Variants in VWF observed in about 807,000 individuals in gnomAD.
VWF encodes the protein von Willebrand factor.
Under a neutral mutation model 308.6 loss-of-function variants are expected in VWF, and 176 were observed. The ratio of observed to expected loss-of-function variants is 0.57; its 90% CI spans 0.50 to 0.65. The LOEUF (loss-of-function observed/expected upper bound fraction) is 0.65. Ranked by LOEUF, VWF falls within the 30% of genes least tolerant of loss-of-function variation. The probability of loss-of-function intolerance (pLI) is 0.00; values close to 1 mark genes in which losing one functional copy is unlikely to be tolerated. For missense variants in VWF, 3,146 were observed against 3,648.2 expected (o/e 0.86, Z 3.55); for synonymous variants, 1,385 against 1,443.4 (o/e 0.96, Z 0.92).
intron 45 of VWF, among the ~76,000 whole-genome samples, 155 bp downstream of exon 45, chr12:5,969,056 G>T (rs144129055): frequency 0.011 from 1,647 of 152,278 alleles, 29 homozygotes; most frequent in African/African-American, 0.037. Flanking sequence ...CATTTAATTT[G>T]CTTTCTCATA....
intron 5 of VWF, among the ~76,000 whole-genome samples, chr12:6,105,112 T>C (rs892761040): frequency 1.3e-5 from 2 of 151,850 alleles, no homozygotes; most frequent in Non-Finnish European, 2.9e-5. Flanking sequence ...AGAGTGGGAG[T>C]GGGGCAGATG....
intron 34 of VWF, among the ~76,000 whole-genome samples, chr12:6,008,622 C>T (rs933611375): frequency 6.6e-6 from 1 of 152,136 alleles, no homozygotes; most frequent in Non-Finnish European, 1.5e-5. Flanking sequence ...GGCAAAGATG[C>T]CCACTCTCAC....
intron 21 of VWF, 99 bp from the exon 22 acceptor site, chr12:6,029,587 C>A (rs1944235247): frequency 6.7e-7 from 1 of 1,496,522 alleles, no homozygotes; most frequent in Non-Finnish European, 9.1e-7. Context: ...CTTCAGTGCC[C>A]ACGAGTGCAG....
Position 6,122,214 on chromosome 12 carries a change from G to A in VWF, c.56-876C>T, listed in dbSNP as rs1945440265. 3.9e-5 allele frequency among the ~76,000 whole-genome samples: 6 copies of A among 152,112 alleles called. No individual in the cohort carries two copies. In the South Asian group the frequency reaches 1.2e-3, roughly 32 times the overall value. ...GCTGCATTATATTTTGCATCTGAAT[G>A]TCTATAGTATAGCCCTCTATTGTTA... On this transcript the variant is annotated intron_variant, in intron 2 of 51. Coordinates refer to ENST00000261405, the MANE Select transcript of VWF (RefSeq NM_000552.5).
At position 6,018,964 on chromosome 12, in the gene VWF, A is replaced by AC. The variant is rs61750095; in HGVS notation, c.4453dup (p.Val1485GlyfsTer27). 1 of 1,613,464 alleles carries AC rather than the reference A, an allele frequency of 6.2e-7. No homozygotes were observed. ...GTTCCTCTTGGGCCCCAGGGTCGAA[A>AC]CCCCCAAGAGCCCCGGGCCCACAGT... On this transcript the variant is annotated frameshift_variant, in exon 28 of 52. Coordinates refer to ENST00000261405, the MANE Select transcript of VWF (RefSeq NM_000552.5). LOFTEE classifies it high-confidence loss of function.
At chr12:6,092,614 T>TGAGTGAGAGAGAGAGAGAGAGAGA (rs71064187) in intron 6 of VWF, among the ~76,000 whole-genome samples, 947 of 85,918 alleles carry the variant, frequency 0.011, 73 homozygotes, top group African/African-American at 0.028. Context: ...AGTGAGTGAG[T>TGAGTGAGAGAGAGAGAGAGAGAGA]GAGAGTGTGT....
intron 40 of VWF, among the ~76,000 whole-genome samples, chr12:5,983,974 GGATAGATA>G (rs71064178): frequency 9.0e-5 from 12 of 133,042 alleles, no homozygotes; most frequent in African/African-American, 2.7e-4. Context: ...ATGGATAGAT[GGATAGATA>G]GATAGATAGA....
intron 28 of VWF, 26 bp downstream of exon 28, chr12:6,018,339 C>A (rs1161787807): frequency 6.2e-7 from 1 of 1,601,968 alleles, no homozygotes; most frequent in Admixed American, 1.7e-5. Context: ...CCAGCCCTCC[C>A]ACCTGCACAC....
intron 39 of VWF, 131 bp from the exon 40 acceptor site, chr12:5,985,250 C>T (rs1342136752): frequency 1.1e-5 from 10 of 944,142 alleles, no homozygotes; most frequent in Admixed American, 5.9e-5. Flanking sequence ...ATCCAGGCCA[C>T]GGGACCTCTG....
At chr12:6,072,582 A>C (rs1288274928) in intron 8 of VWF, 140 bp from the exon 9 acceptor site, 1 of 721,484 alleles carries the variant, frequency 1.4e-6, no homozygotes, top group African/African-American at 1.7e-5. Flanking sequence ...TATCTTTCAC[A>C]TAATGCAATA....
intron 5 of VWF, among the ~76,000 whole-genome samples, chr12:6,108,328 A>AATAT (rs200103341): frequency 1.2e-4 from 14 of 118,472 alleles, no homozygotes; most frequent in Middle Eastern, 4.0e-3. Flanking sequence ...GAAAGAAAGA[A>AATAT]ATATATACAC....
At chr12:5,994,340 G>A (rs1313996106) in intron 36 of VWF, 75 bp downstream of exon 36, 1 of 1,598,416 alleles carries the variant, frequency 6.3e-7, no homozygotes, top group South Asian at 1.1e-5. Flanking sequence ...AAGCATCCAA[G>A]AGCCTCAGAG....
intron 3 of VWF, among the ~76,000 whole-genome samples, chr12:6,112,880 AT>A (rs1945325230): frequency 1.2e-5 from 1 of 80,932 alleles, no homozygotes; most frequent in African/African-American, 7.9e-5. Flanking sequence ...ATGCACACAC[AT>A]AAGCATGCAC....
intron 4 of VWF, 87 bp downstream of exon 4, chr12:6,110,779 C>A: frequency 6.8e-7 from 1 of 1,463,892 alleles, no homozygotes; most frequent in South Asian, 1.1e-5. Flanking sequence ...CTTCCATTCT[C>A]TGGGCCCCAG....
intron 3 of VWF, among the ~76,000 whole-genome samples, chr12:6,116,286 G>T (rs1048258556): frequency 6.6e-6 from 1 of 152,212 alleles, no homozygotes; most frequent in African/African-American, 2.4e-5. Context: ...TGATTAAGGC[G>T]CTGAGTGAGG....
intron 5 of VWF, among the ~76,000 whole-genome samples, chr12:6,096,993 C>T (rs1226934022): frequency 6.6e-6 from 1 of 151,980 alleles, no homozygotes; most frequent in East Asian, 1.9e-4. Flanking sequence ...AGATCCCCCC[C>T]ACACCAAAGA....
At chr12:5,980,158 TGAGG>T (rs1173781906) in intron 42 of VWF, among the ~76,000 whole-genome samples, 340 of 24,434 alleles carry the variant, frequency 0.014, 8 homozygotes, top group African/African-American at 0.039. Flanking sequence ...AGGGAGGGAG[TGAGG>T]GAGGGAGGGA....
chr12:5,980,099 G>A (rs1281056139), intron 42 of VWF, among the ~76,000 whole-genome samples: 3 of 15,306 alleles, frequency 2.0e-4, no homozygotes, highest in African/African-American at 4.1e-4. Context: ...AGAAAGGAAG[G>A]AAGGAAGGAA....
Position 6,051,476 on chromosome 12 carries a change from G to A in VWF, c.2186+1067C>T, listed in dbSNP as rs116353149. 5.7e-3 allele frequency among the ~76,000 whole-genome samples: 861 copies of A among 151,948 alleles called. 9 individuals carry two copies. Among genetic ancestry groups the A allele is most frequent in the African/African-American group, 0.019 (799 of 41,426 alleles). ...CCAGCTAATTTTTTGTATTTTCACC[G>A]TGTTAGCCAGGATGGTCTCGATCTA... On this transcript the variant is annotated intron_variant, in intron 16 of 51. Transcript: ENST00000261405.
Sources: allele counts gnomAD v4.1 joint callset (sites outside exome capture counted in the v4.1 genomes callset), GRCh38; gene constraint gnomAD v4.1.1; transcripts MANE v1.5; gene names NCBI Gene and HGNC (gene_info 2026-07-23, HGNC 2026-07-21).